The following NID1 variants were observed in gnomAD, a reference collection of about 807,000 sequenced individuals.
NID1 encodes the protein nidogen 1.
NID1 carries 76 observed loss-of-function variants against 130.6 expected under a neutral mutation model. The ratio of observed to expected loss-of-function variants is 0.58; its 90% confidence interval spans 0.48 to 0.70. NID1 has a LOEUF of 0.70. Ranked by LOEUF, NID1 falls within the 30% of genes least tolerant of loss-of-function variation. NID1 has a pLI of 0.00. For synonymous variants in NID1, 665 were observed against 675.1 expected (o/e 0.98, Z 0.23); for missense variants, 1,517 against 1,664.8 (o/e 0.91, Z 1.54).
At chr1:235,986,824 A>T (rs960030143) in intron 14 of NID1, among the ~76,000 whole-genome samples, 2 of 152,142 alleles carry the variant, frequency 1.3e-5, no homozygotes. Flanking sequence ...CTCAGGCCTC[A>T]ACTGTGGGTA....
intron 3 of NID1, among the ~76,000 whole-genome samples, chr1:236,043,568 G>A (rs1659514568): frequency 6.6e-6 from 1 of 152,110 alleles, no homozygotes; most frequent in Non-Finnish European, 1.5e-5. Context: ...GGGGGCTGAG[G>A]AGGGCAGATC....
At chr1:236,061,483 C>A (rs373875108) in intron 1 of NID1, among the ~76,000 whole-genome samples, 1 of 151,946 alleles carries the variant, frequency 6.6e-6, no homozygotes, top group East Asian at 1.9e-4. Flanking sequence ...TTTTTTGAGA[C>A]AAAGTCTCAG....
chr1:236,025,477 G>C (rs529597904), intron 8 of NID1, among the ~76,000 whole-genome samples: 3 of 151,314 alleles, frequency 2.0e-5, no homozygotes, highest in Admixed American at 2.0e-4. Flanking sequence ...GGCCAGGCTG[G>C]TCTCAAACTC....
intron 9 of NID1, among the ~76,000 whole-genome samples, chr1:236,020,943 G>A (rs188949549): frequency 1.1e-3 from 161 of 152,326 alleles, no homozygotes; most frequent in African/African-American, 2.9e-3. Context: ...TTACATAAAG[G>A]ATGGCTGGTT....
intron 4 of NID1, 35 bp downstream of exon 4, chr1:236,041,875 A>G (rs1659462329): frequency 6.4e-7 from 1 of 1,573,336 alleles, no homozygotes; most frequent in African/African-American, 1.4e-5. Flanking sequence ...CCACACATCC[A>G]AGATCGTTAC....
intron 16 of NID1, among the ~76,000 whole-genome samples, 181 bp downstream of exon 16, chr1:235,981,430 T>A (rs1446445623): frequency 6.6e-6 from 1 of 152,242 alleles, no homozygotes; most frequent in African/African-American, 2.4e-5. Flanking sequence ...AAGTCCACAC[T>A]GTAATACATG....
At chr1:235,997,125 T>A (rs1214930244) in intron 12 of NID1, among the ~76,000 whole-genome samples, 1 of 152,150 alleles carries the variant, frequency 6.6e-6, no homozygotes. Flanking sequence ...TGAGCCACCA[T>A]GCCTGGCCTC....
chr1:236,038,088 T>C lies in NID1; in HGVS notation c.1285+16A>G. The C allele has an allele frequency of 3.2e-6, 5 of 1,586,708 alleles. No homozygotes were observed. The highest frequency in any genetic ancestry group is 2.2e-5 in the South Asian group (2 of 88,994). Reference sequence around the variant, plus strand: ...CTCCTTCTCCCGCATGAAACGAACATAGAAAAGCAAATTACCTTCTGCAAC... The same window carrying C: ...CTCCTTCTCCCGCATGAAACGAACACAGAAAAGCAAATTACCTTCTGCAAC... On this transcript the variant is annotated intron_variant, in intron 5 of 19. Transcript: ENST00000264187.
Position 236,038,137 on chromosome 1 carries a change from A to G in NID1, c.1252T>C (p.Tyr418His). ...TGFCCSCVAG[Y>H]TGNGRQCVAE... ...ACACATTGCCTGCCATTGCCCGTATAGCCAGCGACACAGCTGCAGCAGAAG... is the reference window on the plus strand; with the variant it reads ...ACACATTGCCTGCCATTGCCCGTATGGCCAGCGACACAGCTGCAGCAGAAG... Residue 418 changes from tyrosine to histidine, a missense_variant, in exon 5 of 20, where the codon TAT (tyrosine) becomes CAT (histidine). Tyr to His is a moderately conservative substitution (Grantham distance 83, BLOSUM62 2). Around this residue, in one of 3 missense-constraint regions of NID1, gnomAD observed 1,329 missense variants for 1,429.2 expected, o/e 0.93. Transcript: ENST00000264187. 2 of 1,608,086 alleles carry G rather than the reference A, an allele frequency of 1.2e-6. No homozygotes were observed. Among genetic ancestry groups the G allele is most frequent in the East Asian group, 2.2e-5 (1 of 44,670 alleles).
At chr1:236,021,537 C>T (rs1279073880) in intron 9 of NID1, among the ~76,000 whole-genome samples, 4 of 152,186 alleles carry the variant, frequency 2.6e-5, no homozygotes, top group African/African-American at 9.7e-5. Flanking sequence ...CATCAGCACA[C>T]CAAATCTGCC....
At chr1:235,978,963 G>A in intron 19 of NID1, 32 bp downstream of exon 19, 1 of 1,484,134 alleles carries the variant, frequency 6.7e-7, no homozygotes, top group Non-Finnish European at 9.4e-7. Flanking sequence ...TGTGCCCCCA[G>A]TATGCCAACA....
intron 15 of NID1, among the ~76,000 whole-genome samples, chr1:235,983,229 G>A (rs1204801314): frequency 6.6e-6 from 1 of 152,124 alleles, no homozygotes; most frequent in African/African-American, 2.4e-5. Context: ...AGCCCCCTTT[G>A]CATTAGCCTT....
In NID1 at chr1:236,038,094, AG is replaced by A; in HGVS notation, c.1285+9del. Reference sequence around the variant, plus strand: ...CTCCCGCATGAAACGAACATAGAAAAGCAAATTACCTTCTGCAACACATTGC... The same window carrying A: ...CTCCCGCATGAAACGAACATAGAAAACAAATTACCTTCTGCAACACATTGC... On this transcript the variant is annotated intron_variant, in intron 5 of 19. Transcript: ENST00000264187. 4.4e-6 allele frequency: 7 copies of A among 1,587,922 alleles called. No individual in the cohort carries two copies. Among genetic ancestry groups the A allele is most frequent in the Non-Finnish European group, 6.0e-6 (7 of 1,161,530 alleles).
chr1:236,031,854 A>C (rs1288129758), intron 6 of NID1, among the ~76,000 whole-genome samples: 1 of 152,224 alleles, frequency 6.6e-6, no homozygotes, highest in Non-Finnish European at 1.5e-5. Flanking sequence ...AATAGGGCAC[A>C]GTCTCTAAAA....
chr1:236,012,691 T>G (rs1255306177), intron 11 of NID1, among the ~76,000 whole-genome samples: 1 of 152,192 alleles, frequency 6.6e-6, no homozygotes, highest in Non-Finnish European at 1.5e-5. Context: ...ACTGTCTGAG[T>G]GTTTACTGAC....
intron 9 of NID1, among the ~76,000 whole-genome samples, chr1:236,018,790 C>T (rs1658673275): frequency 6.6e-6 from 1 of 151,996 alleles, no homozygotes; most frequent in Non-Finnish European, 1.5e-5. Flanking sequence ...ACATGTTTCT[C>T]ATAATGGCCG....
chr1:236,038,635 G>C (rs955680842), intron 4 of NID1, among the ~76,000 whole-genome samples: 1 of 148,536 alleles, frequency 6.7e-6, no homozygotes, highest in South Asian at 2.1e-4. Flanking sequence ...ATGTTTGGGG[G>C]GACTCTTAAA....
chr1:236,022,747 T>C (rs1420838274), intron 9 of NID1, among the ~76,000 whole-genome samples: 3 of 151,694 alleles, frequency 2.0e-5, no homozygotes, highest in East Asian at 1.9e-4. Flanking sequence ...GTGGAAAACA[T>C]TGTGGTGGTT....
rs568375684 is a variant in NID1, at chr1:236,051,242, T to A, written c.226-2253A>T. Among the ~76,000 whole-genome samples, 66 of 151,882 alleles carry A rather than the reference T, an allele frequency of 4.3e-4. No individual in the cohort carries two copies. In the South Asian group the frequency reaches 0.013, roughly 30 times the overall value. ...AGGCCAGTGGATTTTCCAGGCCACT[T>A]ATTTCCCTCCCCCTCCCCCTGCCCC... is the stretch of plus-strand genomic sequence containing the variant. On this transcript the variant is annotated intron_variant, in intron 1 of 19. Transcript: ENST00000264187.
Sources: gnomAD v4.1 joint callset for allele counts (sites outside exome capture counted in the v4.1 genomes callset) on GRCh38, gnomAD v4.1.1 for gene constraint, gnomAD v4.1.1 regional missense constraint, MANE v1.5 for transcripts, NCBI Gene and HGNC (gene_info 2026-07-23, HGNC 2026-07-21) for gene names.